The following FREM3 variants were observed in gnomAD, a reference collection of about 807,000 sequenced individuals.
FREM3 encodes the protein FRAS1-related extracellular matrix protein 3.
FREM3 carries 105 observed loss-of-function variants against 129.1 expected under a neutral mutation model. The observed-to-expected ratio is 0.81, with a 90% CI of 0.69 to 0.96. FREM3 has a LOEUF of 0.96. Ranked by LOEUF, FREM3 falls within the 40% of genes least tolerant of loss-of-function variation. The pLI is 0.00. For missense variants in FREM3, 2,593 were observed against 2,666.3 expected (o/e 0.97, Z 0.61); for synonymous variants, 1,014 against 1,044.9 (o/e 0.97, Z 0.57).
rs777829891 is a variant in FREM3, at chr4:143,696,378, C to A, written c.4298G>T (p.Arg1433Met). 5.2e-6 allele frequency: 8 copies of A among 1,537,390 alleles called. No homozygotes were observed. In the South Asian group the frequency reaches 7.1e-5, roughly 14 times the overall value. The change falls in exon 1 of 8, where the codon AGG becomes ATG. Residue 1433 changes from arginine to methionine, a missense_variant. By Grantham distance (91) the Arg-to-Met change is moderately conservative (BLOSUM62 -1). Coordinates refer to ENST00000329798, the MANE Select transcript of FREM3 (RefSeq NM_001168235.2). Reference protein sequence around the residue: ...DSVFPEVISKRITLIEGARVT... With the variant: ...DSVFPEVISKMITLIEGARVT... ...TCTGGCACCTTCTATCAAGGTGATC[C>A]TTTTGCTGATTACCTCAGGGAAGAC...
intron 2 of FREM3, among the ~76,000 whole-genome samples, chr4:143,646,549 A>T (rs1207141017): frequency 6.6e-6 from 1 of 152,102 alleles, no homozygotes; most frequent in East Asian, 1.9e-4. Context: ...ACAAGATCTG[A>T]TGGTTTTTAC....
intron 2 of FREM3, among the ~76,000 whole-genome samples, chr4:143,633,947 A>G (rs1739186942): frequency 6.6e-6 from 1 of 152,236 alleles, no homozygotes; most frequent in Non-Finnish European, 1.5e-5. Context: ...GTTAAAGAAA[A>G]ATGAAGGAAG....
At chr4:143,604,025 C>A (rs1233670691) in intron 6 of FREM3, among the ~76,000 whole-genome samples, 1 of 152,150 alleles carries the variant, frequency 6.6e-6, no homozygotes, top group Non-Finnish European at 1.5e-5. Context: ...GGGGTTGGAT[C>A]TCTCATGAAC....
Position 143,579,737 on chromosome 4 carries a change from T to A in FREM3, c.6179-1885A>T, listed in dbSNP as rs115706981. Among the ~76,000 whole-genome samples, 1,355 of 152,268 alleles carry A rather than the reference T, an allele frequency of 8.9e-3. 25 individuals are homozygous for A. The highest frequency in any genetic ancestry group is 0.031 in the African/African-American group (1,273 of 41,548). On this transcript the variant is annotated intron_variant, in intron 7 of 7. Transcript: ENST00000329798. ...AAGAACACAGAAGTTATAATAATTA[T>A]TAATGTAACAAGTAACACCTTATAC...
intron 2 of FREM3, among the ~76,000 whole-genome samples, chr4:143,644,259 C>T (rs576516056): frequency 2.0e-5 from 3 of 151,562 alleles, no homozygotes; most frequent in African/African-American, 7.3e-5. Flanking sequence ...TTTCTTTTAT[C>T]TTGCCCTTCT....
In FREM3 at chr4:143,695,943, TG is replaced by T; in HGVS notation, c.4732del (p.Gln1578ArgfsTer16). On this transcript the variant is annotated frameshift_variant, in exon 1 of 8. Coordinates refer to ENST00000329798, the MANE Select transcript of FREM3 (RefSeq NM_001168235.2). LOFTEE classifies it high-confidence loss of function. ...CAAAATCTTGCCATGCATGGGGACCTGGGTGATGGTAAAGAGAATAAGGTCA... is the reference window on the plus strand; with the variant it reads ...CAAAATCTTGCCATGCATGGGGACCTGGTGATGGTAAAGAGAATAAGGTCA... ...PDDLILFTIT[Q>X]VPMHGKILYN... The T allele has an allele frequency of 6.5e-7, 1 of 1,537,830 alleles. No homozygotes were observed. The highest frequency in any genetic ancestry group is 1.2e-5 in the South Asian group (1 of 84,064).
At chr4:143,695,400 T>C (rs1182461299) in intron 1 of FREM3, 91 bp downstream of exon 1, 7 of 1,092,530 alleles carry the variant, frequency 6.4e-6, no homozygotes, top group Non-Finnish European at 8.9e-6. Flanking sequence ...TTACTGCAAA[T>C]GGCTGAGATC....
chr4:143,697,456 C>A lies in FREM3; in HGVS notation c.3220G>T (p.Val1074Phe). ...TCATAGACAATGAAGGACTCCCCGA[C>A]GAAGACCTTGGGTCCCACATTGTCC... is the stretch of plus-strand genomic sequence containing the variant. ...PVDNVGPKVF[V>F]GESFIVYEGE... Residue 1074 changes from valine (V) to phenylalanine (F), a missense_variant, in exon 1 of 8, where the codon GTC becomes TTC. Physicochemically the swap from Val to Phe is conservative, Grantham distance 50. Coordinates refer to ENST00000329798, the MANE Select transcript of FREM3 (RefSeq NM_001168235.2). 6.5e-7 allele frequency: 1 copy of A among 1,537,228 alleles called. No individual in the cohort carries two copies. The highest frequency in any genetic ancestry group is 8.7e-7 in the Non-Finnish European group (1 of 1,146,880).
In FREM3 at chr4:143,696,544, C is replaced by A. The variant is rs549985587; in HGVS notation, c.4132G>T (p.Asp1378Tyr). The change falls in exon 1 of 8, where the codon GAT (aspartate) becomes TAT (tyrosine). Residue 1378 changes from aspartate (D) to tyrosine (Y), a missense_variant. By Grantham distance (160) the Asp-to-Tyr change is radical. This residue lies in a region of FREM3 where 2,276 missense variants were observed against 2,267.2 expected (regional missense o/e 1.00). Coordinates refer to ENST00000329798, the MANE Select transcript of FREM3 (RefSeq NM_001168235.2). ...CAGATGAGGCCTCTGTTAATCTCAT[C>A]CTGGGTAAAGTTCATTCCCAGAGTA... Reference protein sequence around the residue: ...NLTLGMNFTQDEINRGLICYI... With the variant: ...NLTLGMNFTQYEINRGLICYI... The A allele has an allele frequency of 6.5e-7, 1 of 1,537,378 alleles. No individual in the cohort carries two copies. The highest frequency in any genetic ancestry group is 8.7e-7 in the Non-Finnish European group (1 of 1,146,982).
Position 143,699,135 on chromosome 4 carries a change from C to T in FREM3, c.1541G>A (p.Ser514Asn), listed in dbSNP as rs1740640310. ...CTCCATCCGGAAGATGATATTGTCACTGTAGGTGTTGCTGCCATCATGCTG... is the reference window on the plus strand; with the variant it reads ...CTCCATCCGGAAGATGATATTGTCATTGTAGGTGTTGCTGCCATCATGCTG... ...VYQHDGSNTY[S>N]DNIIFRMEDG... The change falls in exon 1 of 8, where the codon AGT becomes AAT. Residue 514 changes from serine to asparagine, a missense_variant. Ser to Asn is a conservative substitution (Grantham distance 46). Transcript: ENST00000329798. The surrounding 1 kb of genome is among the most constrained non-coding windows in gnomAD (Gnocchi z 4.2). 7.8e-6 allele frequency: 12 copies of T among 1,537,414 alleles called. No homozygotes were observed. Among genetic ancestry groups the T allele is most frequent in the Non-Finnish European group, 8.7e-6 (10 of 1,146,950 alleles).
chr4:143,691,683 A>T (rs1471795555), intron 2 of FREM3, among the ~76,000 whole-genome samples: 1 of 152,224 alleles, frequency 6.6e-6, no homozygotes, highest in African/African-American at 2.4e-5. Context: ...GAGGATCAAA[A>T]GTCATAATGT....
intron 5 of FREM3, among the ~76,000 whole-genome samples, chr4:143,615,595 G>T (rs1458416818): frequency 6.6e-6 from 1 of 152,050 alleles, no homozygotes; most frequent in African/African-American, 2.4e-5. Context: ...AGATTGGCCA[G>T]TCAGGTACTC....
chr4:143,638,527 G>T (rs181751688), intron 2 of FREM3, among the ~76,000 whole-genome samples: 40 of 152,202 alleles, frequency 2.6e-4, no homozygotes, highest in African/African-American at 7.5e-4. Flanking sequence ...GAGATAAAAA[G>T]AATCATGCTC....
At chr4:143,637,087 C>G (rs1345000478) in intron 2 of FREM3, among the ~76,000 whole-genome samples, 1 of 152,148 alleles carries the variant, frequency 6.6e-6, no homozygotes, top group Non-Finnish European at 1.5e-5. Flanking sequence ...TCCATAAGCA[C>G]CCATTCATCA....
At position 143,585,240 on chromosome 4, in the gene FREM3, T is replaced by G. The variant is rs1464101339; in HGVS notation, c.6178+604A>C. On this transcript the variant is annotated intron_variant, in intron 7 of 7. Transcript: ENST00000329798. The surrounding 1 kb of genome is among the most constrained non-coding windows in gnomAD (Gnocchi z 4.2). The stretch of plus-strand genomic sequence containing the variant: ...GGTCACAACTGCAAATGAGAAAATG[T>G]GGGCATCAATGTACATGGAAATGTC... Among the ~76,000 whole-genome samples, 2 of 152,192 alleles carry G rather than the reference T, an allele frequency of 1.3e-5. No individual in the cohort carries two copies. The highest frequency in any genetic ancestry group is 2.4e-5 in the African/African-American group (1 of 41,456).
intron 2 of FREM3, among the ~76,000 whole-genome samples, chr4:143,646,001 A>G (rs1546201): frequency 0.5 from 75,548 of 152,054 alleles, 19,701 homozygotes; most frequent in East Asian, 0.71. Flanking sequence ...CTTTGCAACA[A>G]GAACCCTTTG....
chr4:143,699,652 G>A lies in FREM3; in HGVS notation c.1024C>T (p.Leu342=). 6.5e-7 allele frequency: 1 copy of A among 1,530,222 alleles called. No individual in the cohort carries two copies. Among genetic ancestry groups the A allele is most frequent in the Non-Finnish European group, 8.8e-7 (1 of 1,142,676 alleles). The allele number at this position is 1,530,222 out of a possible 1,614,324, so 94.8% of individuals were successfully genotyped here. A position where few individuals can be genotyped will look rare whatever the true frequency, so the allele number is the denominator to read the frequency against. ...AEDVESDPGD[L]VFNILNAPTH... ...GGGGCGTTCAGAATGTTGAACACCA[G>A]GTCACCAGGGTCTGACTCGACGTCC... Residue 342 remains leucine (L), a synonymous_variant, in exon 1 of 8, where the codon CTG becomes TTG. Transcript: ENST00000329798. This position sits in a 1 kb window ranked among gnomAD's most constrained non-coding sequence, Gnocchi z 4.2.
At chr4:143,666,735 T>C (rs763653330) in intron 2 of FREM3, among the ~76,000 whole-genome samples, 2 of 151,990 alleles carry the variant, frequency 1.3e-5, no homozygotes, top group Non-Finnish European at 2.9e-5. Flanking sequence ...AAAGGGGGAG[T>C]ATTACTGTTT....
chr4:143,624,630 C>G (rs1739013641), intron 3 of FREM3, among the ~76,000 whole-genome samples: 1 of 152,132 alleles, frequency 6.6e-6, no homozygotes, highest in Non-Finnish European at 1.5e-5. Flanking sequence ...CTTTGATGTG[C>G]CAAACTCTGC....
Sources: gnomAD v4.1 joint callset for allele counts (sites outside exome capture counted in the v4.1 genomes callset) on GRCh38, gnomAD v4.1.1 for gene constraint, gnomAD v4.1.1 regional missense constraint, Gnocchi (gnomAD v3.1) non-coding constraint, MANE v1.5 for transcripts, NCBI Gene and HGNC (gene_info 2026-07-23, HGNC 2026-07-21) for gene names.